The following RABEP1 variants were observed in gnomAD, a reference collection of about 807,000 sequenced individuals.
RABEP1 encodes the protein rabaptin, RAB GTPase binding effector protein 1, also known as rab GTPase-binding effector protein 1.
Under a neutral mutation model 123.4 loss-of-function variants are expected in RABEP1, and 51 were observed. That is an observed-to-expected ratio of 0.41 (90% CI 0.33 to 0.52). RABEP1 has a LOEUF of 0.52. Ranked by LOEUF, RABEP1 falls within the 20% of genes least tolerant of loss-of-function variation. RABEP1 has a pLI of 0.16. For missense variants in RABEP1, 888 were observed against 996.3 expected, an observed-to-expected ratio of 0.89 and a Z score of 1.46; for synonymous variants, 347 against 355.2, an observed-to-expected ratio of 0.98 and a Z score of 0.26.
intron 10 of RABEP1, 146 bp downstream of exon 10, chr17:5,363,162 A>G: frequency 1.6e-6 from 1 of 630,158 alleles, no homozygotes; most frequent in East Asian, 2.9e-5. Context: ...GGTACATGCA[A>G]TGGCAGTTAC....
At chr17:5,359,125 G>A (rs1212582422) in intron 8 of RABEP1, among the ~76,000 whole-genome samples, 2 of 151,332 alleles carry the variant, frequency 1.3e-5, no homozygotes, top group East Asian at 3.9e-4. Flanking sequence ...CCAGGCTGGA[G>A]TGCAGTGGTG....
chr17:5,316,515 CAT>C (rs1302210254), intron 2 of RABEP1, among the ~76,000 whole-genome samples: 1 of 98,768 alleles, frequency 1.0e-5, no homozygotes, highest in African/African-American at 3.7e-5. Flanking sequence ...AAAAAGAAAA[CAT>C]AGAGGAAATA....
At chr17:5,301,248 C>T (rs549319029) in intron 1 of RABEP1, among the ~76,000 whole-genome samples, 1 of 152,116 alleles carries the variant, frequency 6.6e-6, no homozygotes, top group South Asian at 2.1e-4. Flanking sequence ...GAGAATGGAA[C>T]CTCGTTTCTT....
intron 8 of RABEP1, among the ~76,000 whole-genome samples, 175 bp downstream of exon 8, chr17:5,354,665 C>G (rs1273416996): frequency 2.6e-5 from 4 of 152,158 alleles, no homozygotes; most frequent in East Asian, 3.8e-4. Flanking sequence ...ATAGGTAGCA[C>G]TATTTGAAAC....
chr17:5,335,447 T>C (rs1216357375), intron 4 of RABEP1, 103 bp downstream of exon 4: 9 of 1,024,408 alleles, frequency 8.8e-6, no homozygotes, highest in Non-Finnish European at 1.3e-5. Flanking sequence ...TGATATTTCC[T>C]GTGAGAATAA....
At chr17:5,356,524 T>C (rs1909030164) in intron 8 of RABEP1, 1 of 174,400 alleles carries the variant, frequency 5.7e-6, no homozygotes, top group Admixed American at 6.3e-5. Context: ...CCATTCAAAA[T>C]AAAAATAACT....
intron 1 of RABEP1, among the ~76,000 whole-genome samples, chr17:5,282,784 C>CGTGGGGTAGT: frequency 6.7e-6 from 1 of 149,766 alleles, no homozygotes; most frequent in East Asian, 2.0e-4. Flanking sequence ...TGCTGGGTAG[C>CGTGGGGTAGT]GTGGGGTAGT....
chr17:5,312,490 A>T (rs1038814768), intron 2 of RABEP1, among the ~76,000 whole-genome samples: 4 of 152,190 alleles, frequency 2.6e-5, no homozygotes, highest in Non-Finnish European at 1.5e-5. Context: ...AATGAACCAT[A>T]GTAAAATACT....
chr17:5,317,836 G>T (rs1243654023), intron 2 of RABEP1, among the ~76,000 whole-genome samples: 1 of 152,120 alleles, frequency 6.6e-6, no homozygotes, highest in Non-Finnish European at 1.5e-5. Flanking sequence ...AACCTCCAGG[G>T]AGAGGAGAGG....
At chr17:5,381,262 G>A (rs774995487) in intron 16 of RABEP1, 127 bp from the exon 17 acceptor site, 145 of 1,332,352 alleles carry the variant, frequency 1.1e-4, no homozygotes, top group Non-Finnish European at 1.3e-4. Context: ...GAGATTGGTC[G>A]TGTATAGGAG....
At chr17:5,351,086 G>A (rs1908506573) in intron 7 of RABEP1, among the ~76,000 whole-genome samples, 1 of 152,060 alleles carries the variant, frequency 6.6e-6, no homozygotes, top group African/African-American at 2.4e-5. Flanking sequence ...TGTATTTTGT[G>A]TGTAGCCAAG....
At chr17:5,379,607 C>G (rs1168206008) in intron 15 of RABEP1, among the ~76,000 whole-genome samples, 1 of 152,156 alleles carries the variant, frequency 6.6e-6, no homozygotes, top group African/African-American at 2.4e-5. Context: ...GCAGAAATTA[C>G]CAGCGCTCGA....
chr17:5,291,751 A>G (rs1487961329), intron 1 of RABEP1, among the ~76,000 whole-genome samples: 2 of 152,154 alleles, frequency 1.3e-5, no homozygotes, highest in East Asian at 3.9e-4. Context: ...TACTAAAAAT[A>G]CAAAAATTAG....
rs200718785 is a variant in RABEP1 at position 5,335,301 on chromosome 17, C to A, written c.485C>A (p.Ser162Tyr). 20 of 1,613,268 alleles carry A rather than the reference C, an allele frequency of 1.2e-5. No individual in the cohort carries two copies. The highest frequency in any genetic ancestry group is 1.7e-5 in the Admixed American group (1 of 59,954). The change falls in exon 4 of 18, where the codon TCT (serine) becomes TAT (tyrosine). Residue 162 changes from serine (S) to tyrosine (Y), a missense_variant. Transcript: ENST00000537505. ...REIADLRRRL[S>Y]EGQEEENLEN... ...ATAGCTGATTTAAGAAGAAGGCTGT[C>A]TGAAGGTCAAGAGGAGGAAAATTTA...
intron 1 of RABEP1, among the ~76,000 whole-genome samples, chr17:5,290,116 C>G (rs558981939): frequency 6.6e-6 from 1 of 152,278 alleles, no homozygotes; most frequent in African/African-American, 2.4e-5. Context: ...GAGATGGAGT[C>G]TCGCTCTGTC....
At chr17:5,324,703 G>T (rs1012617634) in intron 2 of RABEP1, among the ~76,000 whole-genome samples, 2 of 152,180 alleles carry the variant, frequency 1.3e-5, no homozygotes, top group African/African-American at 2.4e-5. Context: ...GTATGAAGAA[G>T]ATTTGTTAAA....
intron 5 of RABEP1, among the ~76,000 whole-genome samples, chr17:5,339,725 A>G (rs1483977976): frequency 6.6e-6 from 1 of 152,014 alleles, no homozygotes; most frequent in Non-Finnish European, 1.5e-5. Flanking sequence ...GCTCAAACCC[A>G]GGAGGTGGAG....
At chr17:5,365,360 G>T in intron 11 of RABEP1, 122 bp downstream of exon 11, 1 of 588,158 alleles carries the variant, frequency 1.7e-6, no homozygotes, top group Non-Finnish European at 2.8e-6. Context: ...TTTTCCCTCA[G>T]GTAAAAAGAT....
chr17:5,328,965 A>G (rs910848400), intron 2 of RABEP1, among the ~76,000 whole-genome samples: 1 of 151,510 alleles, frequency 6.6e-6, no homozygotes, highest in Non-Finnish European at 1.5e-5. Flanking sequence ...AGTATAACCA[A>G]ATGAAGTACT....
Sources: allele counts gnomAD v4.1 joint callset (sites outside exome capture counted in the v4.1 genomes callset), GRCh38; gene constraint gnomAD v4.1.1; transcripts MANE v1.5; gene names NCBI Gene and HGNC (gene_info 2026-07-23, HGNC 2026-07-21).